The following CSMD2 variants were observed in gnomAD, a reference collection of about 807,000 sequenced individuals.
CSMD2 encodes CUB and sushi domain-containing protein 2.
CSMD2 carries 130 observed loss-of-function variants against 398.5 expected under a neutral mutation model. The observed-to-expected ratio is 0.33, with a 90% CI of 0.28 to 0.38. The LOEUF is 0.38. CSMD2 is among the 10% of genes least tolerant of loss of function. CSMD2 has a pLI of 1.00. For missense variants in CSMD2, 3,829 were observed against 4,764.9 expected (o/e 0.80, Z 5.78); for synonymous variants, 1,828 against 1,908.5 (o/e 0.96, Z 1.10).
In CSMD2 at chr1:33,675,551, A is replaced by C. The variant is rs1023386109; in HGVS notation, c.4053-12459T>G. Among the ~76,000 whole-genome samples the C allele has an allele frequency of 1.4e-4, 21 of 152,282 alleles. No homozygotes were observed. The South Asian group carries it at 3.5e-3, about 26-fold the overall frequency. ...GGTACAAGGAGAAGCTGGTACCATT[A>C]CTTCTGAAACTATTCCAATCAACAG... On this transcript the variant is annotated intron_variant, in intron 25 of 70. Coordinates refer to ENST00000373381, the MANE Select transcript of CSMD2 (RefSeq NM_001281956.2).
chr1:33,697,140 C>G (rs555210578), intron 24 of CSMD2, among the ~76,000 whole-genome samples: 14 of 152,278 alleles, frequency 9.2e-5, no homozygotes, highest in Non-Finnish European at 1.9e-4. Flanking sequence ...TCAAAGTAAT[C>G]TTACAGTGAA....
At chr1:33,813,671 C>T (rs1168807816) in intron 9 of CSMD2, among the ~76,000 whole-genome samples, 2 of 152,136 alleles carry the variant, frequency 1.3e-5, no homozygotes, top group Non-Finnish European at 2.9e-5. Flanking sequence ...CCTGGACCCA[C>T]AGCCAGTTCT....
Position 33,976,915 on chromosome 1 carries a change from G to A in CSMD2, c.518-40961C>T, listed in dbSNP as rs200068127. Among the ~76,000 whole-genome samples, 3 of 152,168 alleles carry A rather than the reference G, an allele frequency of 2.0e-5. No individual in the cohort carries two copies. The East Asian group carries it at 5.8e-4, about 30-fold the overall frequency. On this transcript the variant is annotated intron_variant, in intron 3 of 70. Coordinates refer to ENST00000373381, the MANE Select transcript of CSMD2 (RefSeq NM_001281956.2). ...CCCCTTCCCTTTAGGTTCTTCAAGT[G>A]TCGTGGAGTTCAGAGCTTTTCCAGA...
chr1:34,111,945 G>C lies in CSMD2; in HGVS notation c.188-22752C>G, dbSNP rs78512271. Among the ~76,000 whole-genome samples, 1,166 of 151,958 alleles carry C rather than the reference G, an allele frequency of 7.7e-3. 23 individuals carry two copies. The highest frequency in any genetic ancestry group is 0.027 in the African/African-American group (1,109 of 41,418). On this transcript the variant is annotated intron_variant, in intron 1 of 70. Coordinates refer to ENST00000373381, the MANE Select transcript of CSMD2 (RefSeq NM_001281956.2). ...GAGGAAGGACAGAGGTGGCAGTCTT[G>C]GCTGAAAGGAACCTTATTTCAATAA...
chr1:34,135,285 C>CACACACACAA (rs1453026418), intron 1 of CSMD2, among the ~76,000 whole-genome samples: 1 of 142,830 alleles, frequency 7.0e-6, no homozygotes, highest in Non-Finnish European at 1.5e-5. Flanking sequence ...CACACACACA[C>CACACACACAA]AATTATTTTG....
At chr1:33,781,587 T>C (rs1019704648) in intron 12 of CSMD2, among the ~76,000 whole-genome samples, 12 of 152,178 alleles carry the variant, frequency 7.9e-5, no homozygotes, top group East Asian at 1.9e-4. Context: ...TTCATGTCTG[T>C]AGGGTCCAGG....
chr1:33,842,472 C>T (rs1364264849), intron 6 of CSMD2, among the ~76,000 whole-genome samples: 1 of 152,142 alleles, frequency 6.6e-6, no homozygotes, highest in Non-Finnish European at 1.5e-5. Context: ...AACTTGACCA[C>T]TACCACACTT....
intron 1 of CSMD2, among the ~76,000 whole-genome samples, chr1:34,098,360 G>C (rs78859770): frequency 7.2e-6 from 1 of 139,266 alleles, no homozygotes; most frequent in African/African-American, 2.7e-5. Flanking sequence ...ACATGTATAC[G>C]TATGTAACTA....
chr1:33,538,975 T>TG (rs958361286), intron 60 of CSMD2, among the ~76,000 whole-genome samples: 7 of 147,794 alleles, frequency 4.7e-5, no homozygotes, highest in African/African-American at 1.7e-4. Flanking sequence ...AAGAAAGGCA[T>TG]TTTTTTTTTT....
intron 4 of CSMD2, among the ~76,000 whole-genome samples, chr1:33,928,896 A>C (rs1443204763): frequency 6.6e-6 from 1 of 152,172 alleles, no homozygotes; most frequent in Admixed American, 6.5e-5. Context: ...CCTCTTTGCT[A>C]TCTACAGTGT....
chr1:34,141,687 C>T (rs956819844), intron 1 of CSMD2, among the ~76,000 whole-genome samples: 5 of 66,430 alleles, frequency 7.5e-5, no homozygotes, highest in African/African-American at 1.5e-4. Context: ...GGGGTGAGCA[C>T]ATGGAAAGGA....
chr1:33,935,089 T>A (rs1323117665), intron 4 of CSMD2, among the ~76,000 whole-genome samples: 1 of 148,692 alleles, frequency 6.7e-6, no homozygotes, highest in Non-Finnish European at 1.5e-5. Context: ...AAAAGAAGAT[T>A]GTGTAAGGAA....
At chr1:33,871,727 C>G (rs1640481259) in intron 5 of CSMD2, among the ~76,000 whole-genome samples, 2 of 152,204 alleles carry the variant, frequency 1.3e-5, no homozygotes, top group Admixed American at 1.3e-4. Flanking sequence ...AGTGATTCTC[C>G]TGTCTCAGCC....
chr1:33,930,870 C>T (rs899154689), intron 4 of CSMD2, among the ~76,000 whole-genome samples: 2 of 152,206 alleles, frequency 1.3e-5, no homozygotes, highest in Non-Finnish European at 2.9e-5. Flanking sequence ...TGGGGGTCGG[C>T]CTTACACCTG....
chr1:33,743,699 A>C (rs1647164161), intron 13 of CSMD2, 93 bp from the exon 14 acceptor site: 7 of 895,868 alleles, frequency 7.8e-6, no homozygotes, highest in Non-Finnish European at 1.2e-5. Flanking sequence ...CTTAGTCTAA[A>C]AAGCAACAGA....
chr1:33,879,193 C>T (rs1446680876), intron 5 of CSMD2, among the ~76,000 whole-genome samples: 1 of 152,170 alleles, frequency 6.6e-6, no homozygotes, highest in African/African-American at 2.4e-5. Flanking sequence ...GCAGGAAATT[C>T]ATTATGAGCC....
intron 1 of CSMD2, among the ~76,000 whole-genome samples, chr1:34,132,985 CT>C (rs1348000925): frequency 8.1e-6 from 1 of 123,862 alleles, no homozygotes; most frequent in African/African-American, 3.0e-5. Flanking sequence ...TTTTTTGGTT[CT>C]ATTTCTCTGG....
chr1:33,995,076 G>GA (rs60875643), intron 3 of CSMD2, among the ~76,000 whole-genome samples: 1,825 of 126,990 alleles, frequency 0.014, 55 homozygotes, highest in East Asian at 0.13. Flanking sequence ...AAAAAGAAAA[G>GA]AAAAAAAAAA....
intron 1 of CSMD2, among the ~76,000 whole-genome samples, chr1:34,134,052 C>CAAAAAAAAAAAA (rs59062675): frequency 1.2e-5 from 1 of 85,230 alleles, no homozygotes; most frequent in African/African-American, 5.0e-5. Flanking sequence ...GACTCTGTCT[C>CAAAAAAAAAAAA]AAAAAAAAAA....
Sources: allele counts gnomAD v4.1 joint callset (sites outside exome capture counted in the v4.1 genomes callset), GRCh38; gene constraint gnomAD v4.1.1; transcripts MANE v1.5; gene names NCBI Gene and HGNC (gene_info 2026-07-23, HGNC 2026-07-21).